Variants in UBE2U observed in about 807,000 individuals in gnomAD.
The protein encoded by UBE2U is ubiquitin-conjugating enzyme E2 U.
Under a neutral mutation model 41.2 loss-of-function variants are expected in UBE2U, and 39 were observed. The ratio of observed to expected loss-of-function variants is 0.95; its 90% CI spans 0.73 to 1.24. The LOEUF (loss-of-function observed/expected upper bound fraction) is 1.24. UBE2U is among the 50% of genes most tolerant of loss of function. The pLI, the probability that UBE2U is intolerant of heterozygous loss-of-function variation, is 0.00. For missense variants in UBE2U, 336 were observed against 363.1 expected (o/e 0.93, Z 0.61); for synonymous variants, 107 against 117.8 (o/e 0.91, Z 0.60).
intron 1 of UBE2U, 44 bp downstream of exon 1, chr1:64,204,160 A>T: frequency 4.4e-6 from 7 of 1,575,646 alleles, no homozygotes; most frequent in Non-Finnish European, 6.1e-6. Context: ...TTGTGCAATA[A>T]TTTTTAAGAG....
At chr1:64,239,157 AAAGAAGAAGAAGAAGAAGAAGAAGAAG>A (rs149062313) in intron 7 of UBE2U, among the ~76,000 whole-genome samples, 5 of 37,064 alleles carry the variant, frequency 1.3e-4, no homozygotes, top group Admixed American at 1.3e-3. Flanking sequence ...GAAGAAGAAG[AAAGAAGAAGAAGAAGAAGAAGAAGAAG>A]AAGAAGAAAG....
intron 8 of UBE2U, among the ~76,000 whole-genome samples, chr1:64,256,848 A>G (rs1312184148): frequency 2.0e-5 from 3 of 151,888 alleles, no homozygotes; most frequent in Non-Finnish European, 4.4e-5. Flanking sequence ...AGGGAGAAAA[A>G]TTTTGCCATC....
chr1:64,207,383 A>G (rs540564574), intron 3 of UBE2U, among the ~76,000 whole-genome samples: 29 of 152,272 alleles, frequency 1.9e-4, no homozygotes, highest in African/African-American at 6.3e-4. Context: ...ACTCCTGACC[A>G]TCCGCCCACT....
At chr1:64,258,445 A>G (rs1275226371) in intron 8 of UBE2U, among the ~76,000 whole-genome samples, 1 of 151,838 alleles carries the variant, frequency 6.6e-6, no homozygotes, top group African/African-American at 2.4e-5. Context: ...TACATTAGGT[A>G]TTTCTCTTAA....
intron 9 of UBE2U, among the ~76,000 whole-genome samples, chr1:64,265,133 C>T (rs908397896): frequency 1.8e-4 from 27 of 152,122 alleles, no homozygotes; most frequent in Admixed American, 1.5e-3. Context: ...CTAGAATGGC[C>T]GTAGCTCTCT....
chr1:64,251,647 A>G (rs946095995), intron 8 of UBE2U, among the ~76,000 whole-genome samples: 4 of 152,158 alleles, frequency 2.6e-5, no homozygotes, highest in African/African-American at 7.2e-5. Flanking sequence ...CAAGGGAGGC[A>G]GTGAGTGAGT....
At chr1:64,265,502 T>A (rs973874799) in intron 9 of UBE2U, among the ~76,000 whole-genome samples, 21 of 152,182 alleles carry the variant, frequency 1.4e-4, no homozygotes, top group African/African-American at 5.1e-4. Flanking sequence ...GTACAAAAAA[T>A]TAAAAATCAC....
At chr1:64,210,863 C>T (rs1391937751) in intron 4 of UBE2U, 24 bp downstream of exon 4, 2 of 1,515,444 alleles carry the variant, frequency 1.3e-6, no homozygotes, top group African/African-American at 2.8e-5. Flanking sequence ...TCATATAATC[C>T]TCTCTTTAAT....
intron 7 of UBE2U, among the ~76,000 whole-genome samples, chr1:64,235,596 A>G (rs748168489): frequency 9.2e-5 from 14 of 152,282 alleles, no homozygotes; most frequent in Non-Finnish European, 1.9e-4. Context: ...CATTTTCTAC[A>G]GTTACATTCT....
At chr1:64,230,977 A>AC (rs1644553645) in intron 6 of UBE2U, among the ~76,000 whole-genome samples, 1 of 152,210 alleles carries the variant, frequency 6.6e-6, no homozygotes, top group Non-Finnish European at 1.5e-5. Flanking sequence ...ACTTTATCTG[A>AC]ATAATAGTAA....
Position 64,205,637 on chromosome 1 carries a change from AGG to A in UBE2U, c.67_68del (p.Gly23TyrfsTer4), listed in dbSNP as rs745557966. 71 of 1,606,724 alleles carry A rather than the reference AGG, an allele frequency of 4.4e-5. No individual in the cohort carries two copies. Among genetic ancestry groups the A allele is most frequent in the Admixed American group, 1.0e-4 (6 of 58,386 alleles). On this transcript the variant is annotated splice_acceptor_variant and coding_sequence_variant, in exon 2 of 10. Transcript: ENST00000371077. LOFTEE classifies it high-confidence loss of function. ...TGATTTAATTTTGTTTTTAACTTCA[AGG>A]GTATCACTGCTAAGCCTGTAAGTGA...
chr1:64,209,356 T>TA (rs1651521139), intron 3 of UBE2U, among the ~76,000 whole-genome samples: 2 of 152,074 alleles, frequency 1.3e-5, no homozygotes, highest in African/African-American at 4.8e-5. Flanking sequence ...AGAAGTCACT[T>TA]ATCTGATTAG....
At chr1:64,209,092 T>G (rs944134163) in intron 3 of UBE2U, among the ~76,000 whole-genome samples, 3 of 152,242 alleles carry the variant, frequency 2.0e-5, no homozygotes, top group Non-Finnish European at 2.9e-5. Flanking sequence ...TTATGTTTTT[T>G]TCCCAAGTAC....
intron 5 of UBE2U, among the ~76,000 whole-genome samples, chr1:64,219,627 C>T (rs533952887): frequency 6.6e-6 from 1 of 151,368 alleles, no homozygotes; most frequent in African/African-American, 2.4e-5. Flanking sequence ...CTCTGTCTCC[C>T]AGGCTGCCAG....
At chr1:64,242,337 C>T (rs1411374795) in intron 8 of UBE2U, among the ~76,000 whole-genome samples, 3 of 152,072 alleles carry the variant, frequency 2.0e-5, no homozygotes, top group Non-Finnish European at 4.4e-5. Context: ...AACAAAGATG[C>T]CATTTCAGTT....
chr1:64,242,937 TTTTA>T (rs1437200802), intron 8 of UBE2U, among the ~76,000 whole-genome samples: 5 of 152,168 alleles, frequency 3.3e-5, no homozygotes, highest in South Asian at 2.1e-4. Context: ...AACAGAACTG[TTTTA>T]TTTGTTTGAT....
At chr1:64,253,395 A>G (rs935773942) in intron 8 of UBE2U, among the ~76,000 whole-genome samples, 3 of 152,170 alleles carry the variant, frequency 2.0e-5, no homozygotes, top group African/African-American at 7.2e-5. Flanking sequence ...CAAATATTCA[A>G]ATTCAGGAAA....
chr1:64,260,756 A>G (rs1386069766), intron 9 of UBE2U, 62 bp downstream of exon 9: 2 of 1,289,642 alleles, frequency 1.6e-6, no homozygotes, highest in East Asian at 5.1e-5. Context: ...TAATATGCAT[A>G]ACTTTAAACT....
At chr1:64,256,003 G>A (rs554174954) in intron 8 of UBE2U, among the ~76,000 whole-genome samples, 66 of 151,986 alleles carry the variant, frequency 4.3e-4, no homozygotes, top group African/African-American at 1.6e-3. Context: ...GTCAAATCAT[G>A]AATGAACTCC....
Sources: allele counts gnomAD v4.1 joint callset (sites outside exome capture counted in the v4.1 genomes callset), GRCh38; gene constraint gnomAD v4.1.1; transcripts MANE v1.5; gene names NCBI Gene and HGNC (gene_info 2026-07-23, HGNC 2026-07-21).